The following TMEM132D variants were observed in gnomAD, a reference collection of about 807,000 sequenced individuals.
TMEM132D encodes the protein mature OL transmembrane protein.
A neutral mutation model predicts 62.3 loss-of-function variants in TMEM132D; 21 were observed. That is an observed-to-expected ratio of 0.34 (90% CI 0.24 to 0.49). The LOEUF (loss-of-function observed/expected upper bound fraction) is 0.49. Ranked by LOEUF, TMEM132D falls within the 20% of genes least tolerant of loss-of-function variation. The pLI, the probability that TMEM132D is intolerant of heterozygous loss-of-function variation, is 0.99. For missense variants in TMEM132D, 1,346 were observed against 1,402.8 expected (o/e 0.96, Z 0.65); for synonymous variants, 621 against 575.6 (o/e 1.08, Z -1.13).
At chr12:129,477,514 A>G (rs1316499089) in intron 3 of TMEM132D, among the ~76,000 whole-genome samples, 2 of 152,164 alleles carry the variant, frequency 1.3e-5, no homozygotes, top group African/African-American at 4.8e-5. Flanking sequence ...ACTTAGAGAG[A>G]ATCATGTTAA....
intron 5 of TMEM132D, among the ~76,000 whole-genome samples, chr12:129,147,983 C>A (rs935132940): frequency 2.6e-5 from 4 of 152,172 alleles, no homozygotes; most frequent in African/African-American, 9.7e-5. Flanking sequence ...TGGGCACCTG[C>A]AGAGCCCATG....
intron 3 of TMEM132D, among the ~76,000 whole-genome samples, chr12:129,484,746 G>A (rs1218854018): frequency 1.3e-5 from 2 of 152,188 alleles, no homozygotes; most frequent in Non-Finnish European, 2.9e-5. Context: ...AAACTTAAAA[G>A]ATTATTAACT....
chr12:129,425,867 A>C (rs1428021570), intron 3 of TMEM132D, among the ~76,000 whole-genome samples: 2 of 152,240 alleles, frequency 1.3e-5, no homozygotes, highest in East Asian at 1.9e-4. Context: ...TCGACTTCCC[A>C]ACGCCACATA....
At chr12:129,637,084 C>T (rs1052156361) in intron 2 of TMEM132D, among the ~76,000 whole-genome samples, 2 of 152,098 alleles carry the variant, frequency 1.3e-5, no homozygotes, top group South Asian at 2.1e-4. Context: ...ACTCACGTGT[C>T]GACAGTTTTA....
At chr12:129,287,925 G>T (rs1881347717) in intron 4 of TMEM132D, among the ~76,000 whole-genome samples, 1 of 152,152 alleles carries the variant, frequency 6.6e-6, no homozygotes, top group Non-Finnish European at 1.5e-5. Flanking sequence ...TCATGCCAGA[G>T]ACATATGGTT....
intron 3 of TMEM132D, among the ~76,000 whole-genome samples, chr12:129,475,039 T>G (rs1258525614): frequency 6.6e-6 from 1 of 152,090 alleles, no homozygotes; most frequent in African/African-American, 2.4e-5. Flanking sequence ...CTACCGAAGC[T>G]TGAACTTTGA....
chr12:129,078,755 A>C (rs2135611763), intron 7 of TMEM132D, 30 bp from the exon 8 acceptor site: 4 of 1,605,078 alleles, frequency 2.5e-6, no homozygotes, highest in South Asian at 1.1e-5. Context: ...TGACAAGGAA[A>C]GGCTTTCTGT....
chr12:129,410,055 C>T (rs1871918546), intron 3 of TMEM132D, among the ~76,000 whole-genome samples: 1 of 152,230 alleles, frequency 6.6e-6, no homozygotes, highest in Admixed American at 6.5e-5. Context: ...TTCTGGAGCA[C>T]TGCTACCCAG....
At chr12:129,678,785 G>A (rs923896613) in intron 2 of TMEM132D, among the ~76,000 whole-genome samples, 2 of 151,856 alleles carry the variant, frequency 1.3e-5, no homozygotes, top group African/African-American at 2.4e-5. Flanking sequence ...CAATTGATAC[G>A]ACATCAATGC....
At chr12:129,075,117 G>C (rs1874210313) in intron 8 of TMEM132D, 58 bp from the exon 9 acceptor site, 3 of 1,446,514 alleles carry the variant, frequency 2.1e-6, no homozygotes, top group Non-Finnish European at 2.8e-6. Flanking sequence ...TGAGCCCCAA[G>C]TCTTAGTACA....
At chr12:129,572,652 T>C (rs1472893160) in intron 2 of TMEM132D, among the ~76,000 whole-genome samples, 1 of 152,164 alleles carries the variant, frequency 6.6e-6, no homozygotes, top group Non-Finnish European at 1.5e-5. Context: ...TTTCTCCATG[T>C]TGGTCAGGCT....
chr12:129,523,694 G>A (rs1255998553), intron 3 of TMEM132D, among the ~76,000 whole-genome samples: 1 of 152,078 alleles, frequency 6.6e-6, no homozygotes, highest in Non-Finnish European at 1.5e-5. Flanking sequence ...GCAATACGAG[G>A]GTAAATTAAG....
chr12:129,471,484 G>A (rs1001709845), intron 3 of TMEM132D, among the ~76,000 whole-genome samples: 1 of 152,106 alleles, frequency 6.6e-6, no homozygotes, highest in African/African-American at 2.4e-5. Context: ...CCACCAACCA[G>A]CTGTTCCTCC....
At position 129,895,096 on chromosome 12, in the gene TMEM132D, G is replaced by A. The variant is rs192945914; in HGVS notation, c.79+8165C>T. Among the ~76,000 whole-genome samples, 469 of 152,200 alleles carry A rather than the reference G, an allele frequency of 3.1e-3. 5 individuals carry two copies. Among genetic ancestry groups the A allele is most frequent in the African/African-American group, 9.1e-3 (376 of 41,522 alleles). On this transcript the variant is annotated intron_variant, in intron 1 of 8. Coordinates refer to ENST00000422113, the MANE Select transcript of TMEM132D (RefSeq NM_133448.3). Reference sequence around the variant, plus strand: ...GCAGGGCTGGGGACAGAGTCCTGGGGTCTCCTTGGAACGTGCTCAAGGTTC... The same window carrying A: ...GCAGGGCTGGGGACAGAGTCCTGGGATCTCCTTGGAACGTGCTCAAGGTTC...
In TMEM132D at chr12:129,227,868, G is replaced by A. The variant is rs369811925; in HGVS notation, c.1300-18205C>T. ...GCGGTGTTTGGTTTTTTGTCCTTGC[G>A]ATAGTTTGCTGAGAATGATGGTTTC... is the stretch of plus-strand genomic sequence containing the variant. On this transcript the variant is annotated intron_variant, in intron 4 of 8. Transcript: ENST00000422113. Among the ~76,000 whole-genome samples, 148 of 152,144 alleles carry A rather than the reference G, an allele frequency of 9.7e-4. 1 individual carries two copies. Among genetic ancestry groups the A allele is most frequent in the Non-Finnish European group, 1.8e-3 (123 of 68,006 alleles).
At position 129,545,571 on chromosome 12, in the gene TMEM132D, C is replaced by A. The variant is rs142490484; in HGVS notation, c.969-14366G>T. 5.8e-3 allele frequency among the ~76,000 whole-genome samples: 881 copies of A among 152,214 alleles called. 9 individuals are homozygous for A. Among genetic ancestry groups the A allele is most frequent in the African/African-American group, 0.02 (842 of 41,526 alleles). On this transcript the variant is annotated intron_variant, in intron 2 of 8. Coordinates refer to ENST00000422113, the MANE Select transcript of TMEM132D (RefSeq NM_133448.3). The stretch of plus-strand genomic sequence containing the variant: ...GTGCTGTGGATCTCTAGAGCTTATG[C>A]GTCTTGCATAACTGAGACTTCATGC...
intron 1 of TMEM132D, among the ~76,000 whole-genome samples, chr12:129,713,162 C>G (rs913387795): frequency 2.6e-5 from 4 of 152,122 alleles, no homozygotes; most frequent in African/African-American, 7.2e-5. Flanking sequence ...TTCTCAGGCC[C>G]CTCCCCAGAC....
At chr12:129,424,656 T>A (rs7312203) in intron 3 of TMEM132D, among the ~76,000 whole-genome samples, 74,529 of 138,692 alleles carry the variant, frequency 0.54, 19,899 homozygotes, top group East Asian at 0.75. Context: ...TGCAGTGAGC[T>A]GAGATCACGC....
At position 129,284,537 on chromosome 12, in the gene TMEM132D, A is replaced by G. The variant is rs183395764; in HGVS notation, c.1299+53097T>C. On this transcript the variant is annotated intron_variant, in intron 4 of 8. Transcript: ENST00000422113. Reference sequence around the variant, plus strand: ...AAGATGGAATGGAATATGGATTCGTATTTGTCCCCACAATTCCATGACAAG... The same window carrying G: ...AAGATGGAATGGAATATGGATTCGTGTTTGTCCCCACAATTCCATGACAAG... Among the ~76,000 whole-genome samples the G allele has an allele frequency of 2.2e-3, 334 of 152,342 alleles. 1 individual carries two copies. Among genetic ancestry groups the G allele is most frequent in the African/African-American group, 7.0e-3 (292 of 41,586 alleles).
Sources: allele counts gnomAD v4.1 joint callset (sites outside exome capture counted in the v4.1 genomes callset), GRCh38; gene constraint gnomAD v4.1.1; transcripts MANE v1.5; gene names NCBI Gene and HGNC (gene_info 2026-07-23, HGNC 2026-07-21).